Variants in DACH2 observed in about 807,000 individuals in gnomAD.
The protein encoded by DACH2 is dachshund family transcription factor 2.
Under a neutral mutation model 35.8 loss-of-function variants are expected in DACH2, and 17 were observed. The observed-to-expected ratio is 0.48, with a 90% confidence interval of 0.33 to 0.71. DACH2 has a LOEUF of 0.71. Ranked by LOEUF, DACH2 falls within the 30% of genes least tolerant of loss-of-function variation. The probability of loss-of-function intolerance (pLI) is 0.02; values close to 1 mark genes in which losing one functional copy is unlikely to be tolerated. For synonymous variants in DACH2, 195 were observed against 177.3 expected (o/e 1.10, Z -0.79); for missense variants, 469 against 472.7 (o/e 0.99, Z 0.07).
intron 3 of DACH2, among the ~76,000 whole-genome samples, chrX:86,648,857 C>A (rs1358023540): frequency 3.6e-5 from 4 of 110,825 alleles, no homozygotes; most frequent in Non-Finnish European, 7.6e-5. Flanking sequence ...ATAGGCTATA[C>A]CTCTAAACTT....
At chrX:86,294,483 G>C (rs1432514306) in intron 1 of DACH2, among the ~76,000 whole-genome samples, 1 of 111,064 alleles carries the variant, frequency 9.0e-6, no homozygotes, top group African/African-American at 3.3e-5. Context: ...GCATTCCTTT[G>C]GAGGAGGAGA....
chrX:86,314,948 C>T (rs1428282274), intron 1 of DACH2, among the ~76,000 whole-genome samples: 1 of 112,392 alleles, frequency 8.9e-6, no homozygotes, highest in African/African-American at 3.2e-5. Flanking sequence ...ATTTAGAATG[C>T]AGCTAAGATA....
chrX:86,188,140 G>A, intron 1 of DACH2, among the ~76,000 whole-genome samples: 1 of 112,086 alleles, frequency 8.9e-6, no homozygotes, highest in East Asian at 2.8e-4. Flanking sequence ...ACGCCAAGTA[G>A]CAATTGCCAA....
At chrX:86,454,011 G>A (rs751223357) in intron 2 of DACH2, among the ~76,000 whole-genome samples, 1 of 111,580 alleles carries the variant, frequency 9.0e-6, no homozygotes, top group East Asian at 2.8e-4. Flanking sequence ...TATCTGAAAA[G>A]CAGCTTTTTT....
At chrX:86,763,734 C>T (rs1432423680) in intron 7 of DACH2, among the ~76,000 whole-genome samples, 1 of 111,850 alleles carries the variant, frequency 8.9e-6, no homozygotes, top group Non-Finnish European at 1.9e-5. Flanking sequence ...ACTCTTAGGA[C>T]AGATGATGTT....
At chrX:86,593,477 A>G (rs373922301) in intron 3 of DACH2, among the ~76,000 whole-genome samples, 7 of 99,168 alleles carry the variant, frequency 7.1e-5, no homozygotes, top group African/African-American at 3.2e-4. Flanking sequence ...CCCAGGGTGG[A>G]GTGCAGTGGC....
intron 6 of DACH2, among the ~76,000 whole-genome samples, chrX:86,720,904 C>T (rs1175485478): frequency 1.8e-5 from 2 of 112,704 alleles, no homozygotes; most frequent in Non-Finnish European, 3.8e-5. Flanking sequence ...GTCCCCAAAC[C>T]TCAATTCTTG....
intron 10 of DACH2, 67 bp from the exon 11 acceptor site, chrX:86,815,967 G>T (rs2042447295): frequency 2.1e-6 from 2 of 940,554 alleles, no homozygotes; most frequent in African/African-American, 2.0e-5. Context: ...GCTTACTGGA[G>T]TTTTCCCTTT....
chrX:86,617,607 A>G (rs2040021879), intron 3 of DACH2, among the ~76,000 whole-genome samples: 1 of 111,714 alleles, frequency 9.0e-6, no homozygotes, highest in Non-Finnish European at 1.9e-5. Context: ...AAATATTGGT[A>G]ACATTTGTAT....
chrX:86,250,987 G>A (rs1472707984), intron 1 of DACH2, among the ~76,000 whole-genome samples: 1 of 110,989 alleles, frequency 9.0e-6, no homozygotes, highest in Admixed American at 9.6e-5. Flanking sequence ...TTAACTTTCT[G>A]GAGCTGCAAT....
chrX:86,590,140 C>T (rs60474825), intron 3 of DACH2, among the ~76,000 whole-genome samples: 9,846 of 111,487 alleles, frequency 0.088, 1,096 homozygotes, highest in African/African-American at 0.31. Context: ...CTCACCGCTG[C>T]TAGTACCTTG....
At chrX:86,226,326 A>C (rs1339105720) in intron 1 of DACH2, among the ~76,000 whole-genome samples, 2 of 111,880 alleles carry the variant, frequency 1.8e-5, no homozygotes, top group East Asian at 2.8e-4. Flanking sequence ...GCTTGCAGCT[A>C]TCAATGCAAA....
At chrX:86,374,150 GA>G (rs1439949822) in intron 1 of DACH2, among the ~76,000 whole-genome samples, 1 of 110,630 alleles carries the variant, frequency 9.0e-6, no homozygotes, top group Non-Finnish European at 1.9e-5. Flanking sequence ...TCAAAAGTGA[GA>G]ATATCATATC....
At chrX:86,390,403 C>A (rs959710077) in intron 2 of DACH2, among the ~76,000 whole-genome samples, 2 of 110,550 alleles carry the variant, frequency 1.8e-5, no homozygotes, top group Non-Finnish European at 3.8e-5. Context: ...GAAACCTTGA[C>A]CTTGCTTTTA....
At chrX:86,565,753 A>G (rs1212759554) in intron 3 of DACH2, among the ~76,000 whole-genome samples, 1 of 111,758 alleles carries the variant, frequency 8.9e-6, no homozygotes, top group East Asian at 2.8e-4. Flanking sequence ...TAAAATGAAA[A>G]GTCTGTGTTT....
At chrX:86,686,297 A>T (rs1284082747) in intron 4 of DACH2, among the ~76,000 whole-genome samples, 1 of 110,835 alleles carries the variant, frequency 9.0e-6, no homozygotes, top group Non-Finnish European at 1.9e-5. Context: ...CAGTGGTATG[A>T]TATCAGCTCA....
chrX:86,197,554 G>A (rs1301306724), intron 1 of DACH2, among the ~76,000 whole-genome samples: 1 of 110,472 alleles, frequency 9.1e-6, no homozygotes, highest in African/African-American at 3.3e-5. Context: ...TCAAAATAAA[G>A]GGATGGAGAA....
At chrX:86,330,639 A>G (rs980426988) in intron 1 of DACH2, among the ~76,000 whole-genome samples, 14 of 111,803 alleles carry the variant, frequency 1.3e-4, no homozygotes, top group African/African-American at 3.2e-4. Context: ...CTTTTTCTTA[A>G]TGGTAGTATA....
intron 2 of DACH2, among the ~76,000 whole-genome samples, chrX:86,505,572 G>T (rs887293752): frequency 9.0e-6 from 1 of 111,671 alleles, no homozygotes; most frequent in African/African-American, 3.3e-5. Flanking sequence ...CACTTAGCAT[G>T]ATGCCCAAAA....
Sources: allele counts gnomAD v4.1 joint callset (sites outside exome capture counted in the v4.1 genomes callset), GRCh38; gene constraint gnomAD v4.1.1; transcripts MANE v1.5; gene names NCBI Gene and HGNC (gene_info 2026-07-23, HGNC 2026-07-21).